The following SLC44A3 variants were observed in gnomAD, a reference collection of about 807,000 sequenced individuals.
SLC44A3 encodes the protein solute carrier family 44 member 3.
SLC44A3 carries 74 observed loss-of-function variants against 75.4 expected under a neutral mutation model. The observed-to-expected ratio is 0.98, with a 90% confidence interval of 0.81 to 1.19. The LOEUF is 1.19. SLC44A3 is among the 50% of genes most tolerant of loss of function. The probability of loss-of-function intolerance (pLI) is 0.00; values close to 1 mark genes in which losing one functional copy is unlikely to be tolerated. For synonymous variants in SLC44A3, 310 were observed against 296.9 expected (o/e 1.04, Z -0.45); for missense variants, 700 against 778.6 (o/e 0.90, Z 1.20).
intron 12 of SLC44A3, among the ~76,000 whole-genome samples, chr1:94,889,037 A>G (rs1200935657): frequency 6.6e-6 from 1 of 152,096 alleles, no homozygotes; most frequent in Non-Finnish European, 1.5e-5. Context: ...CAGGGATTAC[A>G]GGCATGAGCC....
intron 9 of SLC44A3, among the ~76,000 whole-genome samples, chr1:94,849,960 T>C (rs1664990222): frequency 6.6e-6 from 1 of 152,182 alleles, no homozygotes; most frequent in East Asian, 1.9e-4. Flanking sequence ...GTTGCCCAGG[T>C]TGGTCTAGAA....
At chr1:94,874,121 G>T (rs1054320802) in intron 12 of SLC44A3, among the ~76,000 whole-genome samples, 1 of 152,188 alleles carries the variant, frequency 6.6e-6, no homozygotes, top group Non-Finnish European at 1.5e-5. Flanking sequence ...TATAGACAAT[G>T]GTAATCCCCA....
At chr1:94,851,432 C>T (rs576759992) in intron 9 of SLC44A3, among the ~76,000 whole-genome samples, 1 of 152,292 alleles carries the variant, frequency 6.6e-6, no homozygotes, top group African/African-American at 2.4e-5. Flanking sequence ...AAATATGCAT[C>T]CCTTAGTGAT....
intron 12 of SLC44A3, among the ~76,000 whole-genome samples, chr1:94,890,273 TA>T (rs1296273614): frequency 6.6e-6 from 1 of 152,212 alleles, no homozygotes; most frequent in Non-Finnish European, 1.5e-5. Flanking sequence ...CATACCTCTC[TA>T]AATACTTTTT....
chr1:94,895,059 T>C lies in SLC44A3; in HGVS notation c.*137T>C, dbSNP rs1360441376. 1 of 621,380 alleles carries C rather than the reference T, an allele frequency of 1.6e-6. No individual in the cohort carries two copies. The highest frequency in any genetic ancestry group is 2.8e-6 in the Non-Finnish European group (1 of 352,422). 38.5% of individuals were successfully genotyped at this position (621,380 alleles called of 1,614,324 possible). Reference sequence around the variant, plus strand: ...ATAAACCCTATTCTTCCTCATTGTCTTTGTCATTATTGTTTGACCAGGTAA... The same window carrying C: ...ATAAACCCTATTCTTCCTCATTGTCCTTGTCATTATTGTTTGACCAGGTAA... On this transcript the variant is annotated 3_prime_UTR_variant, in exon 15 of 15. Coordinates refer to ENST00000271227, the MANE Select transcript of SLC44A3 (RefSeq NM_001114106.3).
chr1:94,847,174 G>C (rs1664514641), intron 9 of SLC44A3, among the ~76,000 whole-genome samples: 1 of 152,260 alleles, frequency 6.6e-6, no homozygotes, highest in Admixed American at 6.5e-5. Flanking sequence ...GCTAAAGTAG[G>C]ATGTAAGGTA....
In SLC44A3 at chr1:94,840,283, CTTTTTTT is replaced by C. The variant is rs56383271; in HGVS notation, c.760+264_760+270del. Among the ~76,000 whole-genome samples, 343 of 77,368 alleles carry C rather than the reference CTTTTTTT, an allele frequency of 4.4e-3. 3 individuals are homozygous for C. The highest frequency in any genetic ancestry group is 9.2e-3 in the African/African-American group (179 of 19,446). The allele number at this position is 77,368 out of a possible 152,430, so 50.8% of individuals were successfully genotyped here. A position where few individuals can be genotyped will look rare whatever the true frequency, so the allele number is the denominator to read the frequency against. On this transcript the variant is annotated intron_variant, in intron 7 of 14. Transcript: ENST00000271227. ...TTCTTTTCTTTTCTTTTTCTTTTTC[CTTTTTTT>C]TTTTTTTTTTTTTTTTTGAGGCAGG...
chr1:94,892,059 T>C (rs1670277949), intron 13 of SLC44A3, among the ~76,000 whole-genome samples: 1 of 152,194 alleles, frequency 6.6e-6, no homozygotes, highest in African/African-American at 2.4e-5. Flanking sequence ...ACAGATAAAA[T>C]TACATATAAC....
chr1:94,867,327 C>G lies in SLC44A3; in HGVS notation c.1396-4C>G. 1 of 1,574,864 alleles carries G rather than the reference C, an allele frequency of 6.3e-7. No individual in the cohort carries two copies. The highest frequency in any genetic ancestry group is 8.6e-7 in the Non-Finnish European group (1 of 1,156,870). On this transcript the variant is annotated splice_polypyrimidine_tract_variant and splice_region_variant and intron_variant, in intron 11 of 14. Transcript: ENST00000271227. ...TCTGTTCCTTTGTTCTCAACCTGAT[C>G]CAGCAGCATGGTGCATTGTCCAGGT...
At chr1:94,824,658 A>G (rs1661066575) in intron 3 of SLC44A3, 23 bp downstream of exon 3, 2 of 1,546,512 alleles carry the variant, frequency 1.3e-6, no homozygotes, top group Non-Finnish European at 1.7e-6. Flanking sequence ...ATAAGTCCCC[A>G]GTCTGTAAGG....
intron 12 of SLC44A3, among the ~76,000 whole-genome samples, chr1:94,886,602 C>G (rs6696814): frequency 0.3 from 46,315 of 151,936 alleles, 7,983 homozygotes; most frequent in African/African-American, 0.48. Flanking sequence ...GCTGGGCCCT[C>G]TCTTCCCCTC....
intron 12 of SLC44A3, chr1:94,888,588 A>C: frequency 1.1e-6 from 1 of 872,734 alleles, no homozygotes; most frequent in Non-Finnish European, 1.4e-6. Context: ...TTCAAAGCAA[A>C]TTTCACGCAC....
chr1:94,894,755 G>GCCCCTA lies in SLC44A3; in HGVS notation c.1858-61_1858-56dup. On this transcript the variant is annotated intron_variant, in intron 14 of 14. Coordinates refer to ENST00000271227, the MANE Select transcript of SLC44A3 (RefSeq NM_001114106.3). ...AGGGCAAAGGAGAAGTTTTCCCTCG[G>GCCCCTA]CCCCTACGTTATCAACAGTACAGAC... 3 of 1,387,408 alleles carry GCCCCTA rather than the reference G, an allele frequency of 2.2e-6. No individual in the cohort carries two copies. In the Admixed American group the frequency reaches 5.9e-5, roughly 28 times the overall value. The allele number at this position is 1,387,408 out of a possible 1,614,324, so 85.9% of individuals were successfully genotyped here. A position where few individuals can be genotyped will look rare whatever the true frequency, so the allele number is the denominator to read the frequency against.
At chr1:94,833,321 C>A (rs1024803879) in intron 5 of SLC44A3, among the ~76,000 whole-genome samples, 1 of 152,208 alleles carries the variant, frequency 6.6e-6, no homozygotes, top group African/African-American at 2.4e-5. Flanking sequence ...GGGGCTCTTT[C>A]AGCTGCAGTG....
At chr1:94,863,691 C>CT (rs200315758) in intron 10 of SLC44A3, among the ~76,000 whole-genome samples, 37 of 151,530 alleles carry the variant, frequency 2.4e-4, no homozygotes, top group African/African-American at 6.0e-4. Context: ...AACACACATC[C>CT]TTTTTTTTTG....
intron 11 of SLC44A3, among the ~76,000 whole-genome samples, 170 bp downstream of exon 11, chr1:94,865,069 T>C (rs1176649898): frequency 2.6e-5 from 4 of 152,174 alleles, no homozygotes. Flanking sequence ...AGCAAAACTT[T>C]TATTTTCCCA....
At chr1:94,836,819 G>C (rs565698532) in intron 5 of SLC44A3, 1 of 151,502 alleles carries the variant, frequency 6.6e-6, no homozygotes, top group Non-Finnish European at 1.5e-5. Context: ...GCTGAGGTGG[G>C]AGAATAGCTT....
Position 94,842,144 on chromosome 1 carries a change from C to A in SLC44A3, c.885+20C>A. On this transcript the variant is annotated intron_variant, in intron 8 of 14. Transcript: ENST00000271227. ...ATCACGGTAAGAAATGCTCTTCTAGCAGTAGGTCAGGTAGCCAGCCAGGAC... is the reference window on the plus strand; with the variant it reads ...ATCACGGTAAGAAATGCTCTTCTAGAAGTAGGTCAGGTAGCCAGCCAGGAC... The A allele has an allele frequency of 6.3e-7, 1 of 1,585,454 alleles. No individual in the cohort carries two copies. The highest frequency in any genetic ancestry group is 8.6e-7 in the Non-Finnish European group (1 of 1,167,688).
At chr1:94,827,451 T>G in intron 3 of SLC44A3, 56 bp from the exon 4 acceptor site, 1 of 1,606,318 alleles carries the variant, frequency 6.2e-7, no homozygotes, top group Non-Finnish European at 8.5e-7. Flanking sequence ...GGCCCACAAT[T>G]AAGACCAGTG....
Sources: gnomAD v4.1 joint callset for allele counts (sites outside exome capture counted in the v4.1 genomes callset) on GRCh38, gnomAD v4.1.1 for gene constraint, MANE v1.5 for transcripts, NCBI Gene and HGNC (gene_info 2026-07-23, HGNC 2026-07-21) for gene names.